HDGFL3: variants seen among roughly 807,000 people sequenced by gnomAD.
HDGFL3 encodes the protein hepatoma-derived growth factor-related protein 3.
HDGFL3 carries 6 observed loss-of-function variants against 27.6 expected under a neutral mutation model. That is an observed-to-expected ratio of 0.22 (90% CI 0.12 to 0.43). The LOEUF is 0.43. Among genes scored for constraint, HDGFL3 ranks in the 20% least tolerant of loss-of-function variants. The pLI is 1.00. For synonymous variants in HDGFL3, 88 were observed against 88.9 expected (o/e 0.99, Z 0.05); for missense variants, 207 against 250.1 (o/e 0.83, Z 1.16).
chr15:83,124,946 C>T (rs1240395659), downstream of HDGFL3, among the ~76,000 whole-genome samples: 1 of 152,230 alleles, frequency 6.6e-6, no homozygotes, highest in Non-Finnish European at 1.5e-5. Context: ...CTGCTCCCAA[C>T]CCCAGCCTCC....
chr15:83,190,207 CAA>C (rs57723810), intron 1 of HDGFL3, among the ~76,000 whole-genome samples: 6,399 of 116,500 alleles, frequency 0.055, 357 homozygotes, highest in African/African-American at 0.15. Context: ...AACTCTGTCT[CAA>C]AAAAAAAAAA....
rs771071237 is a variant in HDGFL3 at position 83,196,486 on chromosome 15, A to C, written c.84+10845T>G. Among the ~76,000 whole-genome samples the C allele has an allele frequency of 1.7e-4, 26 of 152,092 alleles. 1 individual carries two copies. Among genetic ancestry groups the C allele is most frequent in the Non-Finnish European group, 2.4e-4 (16 of 67,980 alleles). ...TCTCTCCTAAATATCTCTTGGGCCAACTCAGAAATGAAAATCACAAAACCT... is the reference window on the plus strand; with the variant it reads ...TCTCTCCTAAATATCTCTTGGGCCACCTCAGAAATGAAAATCACAAAACCT... On this transcript the variant is annotated intron_variant, in intron 1 of 5. Coordinates refer to ENST00000299633, the MANE Select transcript of HDGFL3 (RefSeq NM_016073.4).
intron 5 of HDGFL3, among the ~76,000 whole-genome samples, chr15:83,140,608 A>G (rs765491350): frequency 3.0e-4 from 45 of 150,994 alleles, no homozygotes; most frequent in Non-Finnish European, 5.9e-4. Context: ...CAGCCTCCTG[A>G]GTAGCTGGGA....
At chr15:83,126,994 C>T (rs2035817942), downstream of HDGFL3, 1 of 613,392 alleles carries the variant, frequency 1.6e-6, no homozygotes, top group East Asian at 3.1e-5. Context: ...AGTTTGAAAC[C>T]AGCCTGGCCA....
chr15:83,152,998 T>C (rs1157008977), intron 4 of HDGFL3, among the ~76,000 whole-genome samples: 2 of 149,846 alleles, frequency 1.3e-5, no homozygotes, highest in African/African-American at 2.4e-5. Context: ...TTCTTTTTTT[T>C]TTTTTTTTTT....
exon 4 of HDGFL3, chr15:83,114,005 A>T (rs990193221): frequency 2.0e-5 from 3 of 152,258 alleles, no homozygotes; most frequent in African/African-American, 7.2e-5. Flanking sequence ...GAAGCTTCAG[A>T]AATGATGTAA....
chr15:83,162,331 G>T (rs569641949), intron 2 of HDGFL3, among the ~76,000 whole-genome samples: 2 of 152,170 alleles, frequency 1.3e-5, no homozygotes, highest in East Asian at 1.9e-4. Flanking sequence ...CAGGTTTTTT[G>T]AAGTTAATTC....
At chr15:83,176,209 G>A (rs765837470) in intron 1 of HDGFL3, among the ~76,000 whole-genome samples, 5 of 152,184 alleles carry the variant, frequency 3.3e-5, no homozygotes, top group Non-Finnish European at 7.3e-5. Flanking sequence ...GACTGTACTT[G>A]AGAAAGCCTT....
chr15:83,202,434 G>A (rs2037659064), intron 1 of HDGFL3, among the ~76,000 whole-genome samples: 1 of 152,060 alleles, frequency 6.6e-6, no homozygotes, highest in South Asian at 2.1e-4. Flanking sequence ...AAACCAGACA[G>A]GCTGAAACCA....
At chr15:83,114,051 C>G (rs1190071512) in exon 4 of HDGFL3, 1 of 152,312 alleles carries the variant, frequency 6.6e-6, no homozygotes. Flanking sequence ...ATTAGATGAG[C>G]TGGGTCCGTC....
chr15:83,161,934 G>T (rs1201864813), intron 2 of HDGFL3, among the ~76,000 whole-genome samples: 2 of 152,022 alleles, frequency 1.3e-5, no homozygotes, highest in African/African-American at 4.8e-5. Flanking sequence ...AAACTACTGG[G>T]TTTATGTTAG....
intron 1 of HDGFL3, among the ~76,000 whole-genome samples, chr15:83,169,444 A>AAG (rs2037217696): frequency 2.1e-5 from 3 of 145,954 alleles, no homozygotes; most frequent in African/African-American, 5.1e-5. Context: ...AAAAAAAAAA[A>AAG]AAAGAAAGAA....
intron 1 of HDGFL3, among the ~76,000 whole-genome samples, chr15:83,203,993 T>C (rs2151424138): frequency 6.8e-6 from 1 of 146,956 alleles, no homozygotes; most frequent in Admixed American, 6.9e-5. Flanking sequence ...AACTTCTAAT[T>C]TTTAAAGCCA....
At chr15:83,186,899 A>G (rs1480476491) in intron 1 of HDGFL3, among the ~76,000 whole-genome samples, 1 of 152,200 alleles carries the variant, frequency 6.6e-6, no homozygotes, top group Non-Finnish European at 1.5e-5. Flanking sequence ...AAATAAATAC[A>G]TTTTTTAAAA....
intron 4 of HDGFL3, among the ~76,000 whole-genome samples, chr15:83,153,964 A>AC (rs1294647676): frequency 4.7e-4 from 71 of 152,058 alleles, no homozygotes; most frequent in Non-Finnish European, 9.6e-4. Flanking sequence ...AGTAAAAAAA[A>AC]GTTTGTGAGC....
chr15:83,122,878 G>A, downstream of HDGFL3: 6 of 1,613,738 alleles, frequency 3.7e-6, no homozygotes, highest in Non-Finnish European at 5.1e-6. Context: ...ACCCCTCAAA[G>A]GTGATTTTAT....
chr15:83,124,794 T>C, downstream of HDGFL3: 1 of 1,565,552 alleles, frequency 6.4e-7, no homozygotes. Flanking sequence ...TAACAGATCA[T>C]AATAACGTAA....
In HDGFL3 at chr15:83,128,041, T is replaced by C. The variant is rs2035926020; in HGVS notation, c.*11229A>G. The C allele has an allele frequency of 6.6e-6, 1 of 152,254 alleles. No homozygotes were observed. The highest frequency in any genetic ancestry group is 2.4e-5 in the African/African-American group (1 of 41,444). 9.4% of individuals were successfully genotyped at this position (152,254 alleles called of 1,614,324 possible). A position where few individuals can be genotyped will look rare whatever the true frequency, so the allele number is the denominator to read the frequency against. Reference sequence around the variant, plus strand: ...AATTATCTATGGAGAACTTCACACATAACATAAAGCACATTTTTACAAGAT... The same window carrying C: ...AATTATCTATGGAGAACTTCACACACAACATAAAGCACATTTTTACAAGAT... On this transcript the variant is annotated 3_prime_UTR_variant, in exon 6 of 6. Coordinates refer to ENST00000299633, the MANE Select transcript of HDGFL3 (RefSeq NM_016073.4).
intron 1 of HDGFL3, among the ~76,000 whole-genome samples, chr15:83,172,064 G>A (rs2037253072): frequency 6.6e-6 from 1 of 152,068 alleles, no homozygotes. Flanking sequence ...CCTCTCTATG[G>A]CTCTGCTATG....
Sources: gnomAD v4.1 joint callset for allele counts (sites outside exome capture counted in the v4.1 genomes callset) on GRCh38, gnomAD v4.1.1 for gene constraint, MANE v1.5 for transcripts, NCBI Gene and HGNC (gene_info 2026-07-23, HGNC 2026-07-21) for gene names.